Variants in PCDH9 observed in about 807,000 individuals in gnomAD.
The protein encoded by PCDH9 is protocadherin 9.
In PCDH9, 24 loss-of-function variants were observed where a neutral mutation model predicts 70.6. The observed-to-expected ratio is 0.34, with a 90% CI of 0.25 to 0.48. The LOEUF (loss-of-function observed/expected upper bound fraction) is 0.48. Ranked by LOEUF, PCDH9 falls within the 20% of genes least tolerant of loss-of-function variation. The pLI is 0.99. For synonymous variants in PCDH9, 562 were observed against 558.5 expected (o/e 1.01, Z -0.09); for missense variants, 1,281 against 1,503.6 (o/e 0.85, Z 2.45).
At chr13:66,929,349 G>T (rs1481251653) in intron 2 of PCDH9, among the ~76,000 whole-genome samples, 1 of 151,414 alleles carries the variant, frequency 6.6e-6, no homozygotes, top group East Asian at 1.9e-4. Flanking sequence ...TTTAGATGGA[G>T]TTTCACTCTT....
rs151158440 is a variant in PCDH9 at position 67,150,905 on chromosome 13, T to C, written c.3036+74500A>G. Among the ~76,000 whole-genome samples the C allele has an allele frequency of 9.2e-5, 14 of 152,308 alleles. No individual in the cohort carries two copies. In the East Asian group the frequency reaches 2.7e-3, roughly 29 times the overall value. On this transcript the variant is annotated intron_variant, in intron 2 of 4. Transcript: ENST00000377865. ...CCTACATATACAACAAGATTAGCTTTCTTGTTTAACCAACTTTGTAAGTCT... is the reference window on the plus strand; with the variant it reads ...CCTACATATACAACAAGATTAGCTTCCTTGTTTAACCAACTTTGTAAGTCT...
intron 4 of PCDH9, among the ~76,000 whole-genome samples, chr13:66,467,376 A>G (rs1958535235): frequency 6.6e-6 from 1 of 152,052 alleles, no homozygotes; most frequent in Admixed American, 6.6e-5. Flanking sequence ...GAAAGCCTCC[A>G]TGCATAGTCA....
intron 2 of PCDH9, chr13:67,215,272 T>C (rs2089575829): frequency 6.6e-6 from 1 of 151,986 alleles, no homozygotes; most frequent in African/African-American, 2.4e-5. Flanking sequence ...AAAATTAATA[T>C]AGTTGCTAGA....
At chr13:66,996,792 TA>T (rs1438101489) in intron 2 of PCDH9, among the ~76,000 whole-genome samples, 2 of 152,132 alleles carry the variant, frequency 1.3e-5, no homozygotes, top group Non-Finnish European at 2.9e-5. Context: ...TGCAGAATCG[TA>T]AAAGAAAAAG....
intron 2 of PCDH9, among the ~76,000 whole-genome samples, chr13:67,141,594 C>A (rs2087390356): frequency 6.6e-6 from 1 of 151,934 alleles, no homozygotes; most frequent in Non-Finnish European, 1.5e-5. Context: ...GTGCCTGCCA[C>A]CACGCCCAGC....
At chr13:66,984,503 C>G (rs2083848043) in intron 2 of PCDH9, among the ~76,000 whole-genome samples, 1 of 152,074 alleles carries the variant, frequency 6.6e-6, no homozygotes, top group Non-Finnish European at 1.5e-5. Context: ...CTTGTTTTGA[C>G]CTAGGACAAA....
chr13:67,063,937 T>C (rs1227431938), intron 2 of PCDH9, among the ~76,000 whole-genome samples: 1 of 152,140 alleles, frequency 6.6e-6, no homozygotes, highest in African/African-American at 2.4e-5. Context: ...AGGAAAATTG[T>C]AGAGAGAGCA....
At chr13:66,867,924 G>C (rs1439936580) in intron 3 of PCDH9, among the ~76,000 whole-genome samples, 1 of 151,714 alleles carries the variant, frequency 6.6e-6, no homozygotes, top group African/African-American at 2.4e-5. Context: ...AATTAATGTG[G>C]ATTTCAATTA....
At chr13:67,105,312 T>C (rs934297161) in intron 2 of PCDH9, among the ~76,000 whole-genome samples, 2 of 152,132 alleles carry the variant, frequency 1.3e-5, no homozygotes, top group East Asian at 3.9e-4. Flanking sequence ...AATAATACTA[T>C]GAAGCAAAGA....
chr13:66,513,093 C>G (rs1959563676), intron 4 of PCDH9, among the ~76,000 whole-genome samples: 1 of 151,920 alleles, frequency 6.6e-6, no homozygotes. Flanking sequence ...TCTGGGATTA[C>G]AGGTGTGACC....
intron 3 of PCDH9, among the ~76,000 whole-genome samples, chr13:66,788,648 ATTTTTT>A (rs58386697): frequency 7.3e-5 from 6 of 81,860 alleles, no homozygotes; most frequent in African/African-American, 2.1e-4. Flanking sequence ...CTAAACAGTA[ATTTTTT>A]TTTTTTTTTT....
intron 4 of PCDH9, among the ~76,000 whole-genome samples, chr13:66,445,730 C>A (rs1030717013): frequency 7.1e-6 from 1 of 141,628 alleles, no homozygotes; most frequent in African/African-American, 2.7e-5. Flanking sequence ...AATACATACA[C>A]ATATATATTA....
chr13:66,701,608 C>A (rs2078649300), intron 3 of PCDH9, among the ~76,000 whole-genome samples: 1 of 152,018 alleles, frequency 6.6e-6, no homozygotes. Context: ...AAACCATATT[C>A]TTTTAAATGC....
chr13:66,772,457 G>A (rs567772449), intron 3 of PCDH9, among the ~76,000 whole-genome samples: 2 of 152,184 alleles, frequency 1.3e-5, no homozygotes, highest in South Asian at 4.1e-4. Context: ...TTAGTAAATT[G>A]TAAGCAAATG....
At chr13:66,642,042 A>G (rs1197349911) in intron 3 of PCDH9, among the ~76,000 whole-genome samples, 1 of 152,106 alleles carries the variant, frequency 6.6e-6, no homozygotes, top group Non-Finnish European at 1.5e-5. Flanking sequence ...GAATAAAATA[A>G]AGATACTTTT....
intron 2 of PCDH9, chr13:67,203,251 A>C (rs1319706094): frequency 1.3e-5 from 2 of 152,152 alleles, no homozygotes; most frequent in Non-Finnish European, 2.9e-5. Context: ...TAACAAATTT[A>C]TTGAAAGCTT....
intron 3 of PCDH9, among the ~76,000 whole-genome samples, chr13:66,670,828 G>T (rs1171546309): frequency 6.8e-6 from 1 of 147,086 alleles, no homozygotes; most frequent in Non-Finnish European, 1.5e-5. Flanking sequence ...TGTGAACTTA[G>T]TTGGAAATAG....
intron 4 of PCDH9, among the ~76,000 whole-genome samples, chr13:66,397,991 A>T (rs913946029): frequency 2.0e-5 from 3 of 152,096 alleles, no homozygotes; most frequent in African/African-American, 2.4e-5. Context: ...ATTTAATTTT[A>T]TGTAATCCTA....
At chr13:66,482,012 C>A (rs1297146487) in intron 4 of PCDH9, among the ~76,000 whole-genome samples, 1 of 152,004 alleles carries the variant, frequency 6.6e-6, no homozygotes, top group Admixed American at 6.6e-5. Flanking sequence ...ATTCTAAGTT[C>A]TTTAACCCAG....
Sources: gnomAD v4.1 joint callset for allele counts (sites outside exome capture counted in the v4.1 genomes callset) on GRCh38, gnomAD v4.1.1 for gene constraint, MANE v1.5 for transcripts, NCBI Gene and HGNC (gene_info 2026-07-23, HGNC 2026-07-21) for gene names.